RAB5A: variants seen among roughly 807,000 people sequenced by gnomAD.
RAB5A encodes the protein ras-related protein Rab-5A.
A neutral mutation model predicts 25.7 loss-of-function variants in RAB5A; 8 were observed. That is an observed-to-expected ratio of 0.31 (90% CI 0.18 to 0.56). RAB5A has a LOEUF of 0.56. Ranked by LOEUF, RAB5A falls within the 20% of genes least tolerant of loss-of-function variation. RAB5A has a pLI of 0.91. For missense variants in RAB5A, 192 were observed against 259.7 expected, an observed-to-expected ratio of 0.74 and a Z score of 1.79; for synonymous variants, 98 against 89.8, an observed-to-expected ratio of 1.09 and a Z score of -0.52.
intron 1 of RAB5A, among the ~76,000 whole-genome samples, chr3:19,949,499 G>A (rs1331488742): frequency 6.6e-6 from 1 of 152,132 alleles, no homozygotes; most frequent in Non-Finnish European, 1.5e-5. Flanking sequence ...ACTCTGTCCA[G>A]TGTGAAAGAC....
At chr3:19,951,461 A>G (rs1448013987) in intron 2 of RAB5A, among the ~76,000 whole-genome samples, 1 of 152,208 alleles carries the variant, frequency 6.6e-6, no homozygotes, top group Admixed American at 6.5e-5. Flanking sequence ...GATCTATATA[A>G]CTGAAGTATT....
At chr3:19,952,778 C>G (rs750759475) in intron 2 of RAB5A, among the ~76,000 whole-genome samples, 1 of 151,712 alleles carries the variant, frequency 6.6e-6, no homozygotes, top group African/African-American at 2.4e-5. Flanking sequence ...AGTACATCCA[C>G]GTGTGATTTT....
chr3:19,952,559 A>G (rs1412051833), intron 2 of RAB5A, among the ~76,000 whole-genome samples: 1 of 152,234 alleles, frequency 6.6e-6, no homozygotes, highest in Admixed American at 6.5e-5. Flanking sequence ...TCTTAGACCC[A>G]TTCTAGTAAG....
chr3:19,963,070 A>T (rs1274884967), intron 2 of RAB5A, among the ~76,000 whole-genome samples: 1 of 152,082 alleles, frequency 6.6e-6, no homozygotes, highest in African/African-American at 2.4e-5. Context: ...TGACCTCCCA[A>T]AGTGTTGGGA....
intron 1 of RAB5A, among the ~76,000 whole-genome samples, chr3:19,948,302 G>C (rs1696362346): frequency 6.6e-6 from 1 of 152,060 alleles, no homozygotes; most frequent in Non-Finnish European, 1.5e-5. Context: ...TCAATCAGTT[G>C]CCTTTCACAT....
chr3:19,953,075 TAAA>T (rs575834517), intron 2 of RAB5A, among the ~76,000 whole-genome samples: 23 of 150,588 alleles, frequency 1.5e-4, no homozygotes, highest in Non-Finnish European at 3.2e-4. Flanking sequence ...ATTAAAACAA[TAAA>T]AACTCTGAAG....
intron 2 of RAB5A, among the ~76,000 whole-genome samples, chr3:19,954,307 G>A (rs13098388): frequency 0.17 from 25,676 of 152,036 alleles, 2,097 homozygotes; most frequent in South Asian, 0.21. Context: ...GAACCTCCAC[G>A]CCTGGCCTCA....
chr3:19,951,734 C>T (rs1013247690), intron 2 of RAB5A, among the ~76,000 whole-genome samples: 4 of 77,100 alleles, frequency 5.2e-5, no homozygotes, highest in Non-Finnish European at 8.3e-5. Context: ...GTCAGAGTCT[C>T]GCTGTGTTTC....
chr3:19,976,251 A>G, intron 4 of RAB5A, 82 bp downstream of exon 4: 1 of 1,428,356 alleles, frequency 7.0e-7, no homozygotes, highest in Non-Finnish European at 9.5e-7. Flanking sequence ...ATTAGTTATA[A>G]TGTCAAAACC....
Position 19,985,057 on chromosome 3 carries a change from G to C in RAB5A, c.*1234G>C. The C allele has an allele frequency of 4.1e-6, 1 of 242,006 alleles. No homozygotes were observed. Among genetic ancestry groups the C allele is most frequent in the Non-Finnish European group, 7.9e-6 (1 of 126,396 alleles). The allele number at this position is 242,006 out of a possible 1,614,324, so 15.0% of individuals were successfully genotyped here. On this transcript the variant is annotated 3_prime_UTR_variant, in exon 6 of 6. Transcript: ENST00000273047. The stretch of plus-strand genomic sequence containing the variant: ...GTCAGAGATGATTTAATCTATTTAA[G>C]TGTTGGACTGCTAGGAGAACTTGTA...
At chr3:19,980,687 G>C (rs956446932) in intron 5 of RAB5A, among the ~76,000 whole-genome samples, 4 of 152,218 alleles carry the variant, frequency 2.6e-5, no homozygotes, top group Non-Finnish European at 5.9e-5. Flanking sequence ...ACAATATATA[G>C]TGCTATTTTG....
chr3:19,972,316 C>T (rs888483128), intron 2 of RAB5A, among the ~76,000 whole-genome samples: 10 of 152,156 alleles, frequency 6.6e-5, no homozygotes, highest in Non-Finnish European at 1.5e-4. Flanking sequence ...CCAAGCATTT[C>T]AGATAAGGGA....
chr3:19,958,981 A>G (rs939456801), intron 2 of RAB5A, among the ~76,000 whole-genome samples: 1 of 152,184 alleles, frequency 6.6e-6, no homozygotes, highest in African/African-American at 2.4e-5. Flanking sequence ...TGTTCTTATA[A>G]ACTGTGTACT....
intron 1 of RAB5A, among the ~76,000 whole-genome samples, chr3:19,948,993 A>G (rs530502557): frequency 1.3e-5 from 2 of 152,324 alleles, no homozygotes; most frequent in South Asian, 4.1e-4. Context: ...CCTACTATGT[A>G]TATTAGAGAT....
intron 2 of RAB5A, among the ~76,000 whole-genome samples, chr3:19,951,701 G>GTTTTTTTTTGT (rs1553638048): frequency 1.0e-5 from 1 of 99,014 alleles, no homozygotes. Context: ...TGCCAGGCAA[G>GTTTTTTTTTGT]TTTTTTTTTT....
intron 1 of RAB5A, among the ~76,000 whole-genome samples, chr3:19,948,433 C>T (rs1216164143): frequency 6.6e-6 from 1 of 152,156 alleles, no homozygotes; most frequent in African/African-American, 2.4e-5. Context: ...TGGAACAGTG[C>T]CTGGCACAAA....
intron 2 of RAB5A, among the ~76,000 whole-genome samples, chr3:19,974,722 G>A (rs73819080): frequency 2.2e-3 from 312 of 141,650 alleles, no homozygotes; most frequent in Non-Finnish European, 2.8e-3. Flanking sequence ...CTGTGTCTCA[G>A]AAAAAGAAAA....
rs1696981896 is a variant in RAB5A, at chr3:19,983,915, CA to C, written c.*96del. ...CATTTAACCAGCCCAGTATGACTTC[CA>C]AAAGAAGAGACTTATGATAGAGTCA... On this transcript the variant is annotated 3_prime_UTR_variant, in exon 6 of 6. Transcript: ENST00000273047. The C allele has an allele frequency of 2.4e-6, 2 of 830,720 alleles. No homozygotes were observed. The highest frequency in any genetic ancestry group is 3.8e-6 in the Non-Finnish European group (2 of 521,648). The allele number at this position is 830,720 out of a possible 1,614,324, so 51.5% of individuals were successfully genotyped here.
At chr3:19,981,346 C>T (rs917473509) in intron 5 of RAB5A, among the ~76,000 whole-genome samples, 3 of 152,116 alleles carry the variant, frequency 2.0e-5, no homozygotes, top group African/African-American at 4.8e-5. Context: ...CAGTGGCTCA[C>T]TACCTGTAAT....
Sources: gnomAD v4.1 joint callset for allele counts (sites outside exome capture counted in the v4.1 genomes callset) on GRCh38, gnomAD v4.1.1 for gene constraint, MANE v1.5 for transcripts, NCBI Gene and HGNC (gene_info 2026-07-23, HGNC 2026-07-21) for gene names.